Variants in PDS5A observed in about 807,000 individuals in gnomAD.
The protein encoded by PDS5A is sister chromatid cohesion protein PDS5 homolog A.
PDS5A carries 42 observed loss-of-function variants against 167.1 expected under a neutral mutation model. That is an observed-to-expected ratio of 0.25 (90% confidence interval 0.20 to 0.33). The LOEUF is 0.33. PDS5A is among the 10% of genes least tolerant of loss of function. The pLI is 1.00. For synonymous variants in PDS5A, 553 were observed against 554.6 expected, an observed-to-expected ratio of 1.00 and a Z score of 0.04; for missense variants, 1,033 against 1,605.9, an observed-to-expected ratio of 0.64 and a Z score of 6.10.
At chr4:39,834,155 A>C (rs1373144063) in intron 32 of PDS5A, among the ~76,000 whole-genome samples, 1 of 150,420 alleles carries the variant, frequency 6.6e-6, no homozygotes, top group Non-Finnish European at 1.5e-5. Context: ...ATTGCACTCT[A>C]GCCTGGGCAA....
chr4:39,930,214 T>TAA, intron 2 of PDS5A, among the ~76,000 whole-genome samples: 1 of 12,838 alleles, frequency 7.8e-5, no homozygotes, highest in Non-Finnish European at 1.7e-4. Context: ...AGACTCCATC[T>TAA]CAAAAAAAAA....
At chr4:39,895,494 T>C (rs1043923854) in intron 16 of PDS5A, among the ~76,000 whole-genome samples, 2 of 152,136 alleles carry the variant, frequency 1.3e-5, no homozygotes, top group Admixed American at 6.5e-5. Context: ...ATAGAGCACT[T>C]ACCATAAATG....
Position 39,832,693 on chromosome 4 carries a change from A to T in PDS5A, c.4010+5163T>A, listed in dbSNP as rs568712221. On this transcript the variant is annotated intron_variant, in intron 32 of 32. Transcript: ENST00000303538. ...TGGGCAATACAGCAAGACCCAAAAA[A>T]TTTAAAAAGAAATTAGCCAGCCATG... Among the ~76,000 whole-genome samples the T allele has an allele frequency of 5.0e-4, 76 of 152,226 alleles. 3 individuals are homozygous for T. In the East Asian group the frequency reaches 7.1e-3, roughly 14 times the overall value.
intron 4 of PDS5A, among the ~76,000 whole-genome samples, chr4:39,926,367 A>C (rs1030041514): frequency 2.6e-5 from 4 of 152,036 alleles, no homozygotes; most frequent in African/African-American, 9.7e-5. Context: ...AAAAATACAA[A>C]ATTAGCCGTG....
intron 2 of PDS5A, among the ~76,000 whole-genome samples, chr4:39,956,161 G>A (rs533195260): frequency 4.6e-5 from 7 of 151,544 alleles, no homozygotes; most frequent in Admixed American, 4.0e-4. Context: ...TAAGAAAAAC[G>A]TATAGAACAA....
intron 2 of PDS5A, among the ~76,000 whole-genome samples, chr4:39,942,340 T>C (rs1727299977): frequency 6.6e-6 from 1 of 152,180 alleles, no homozygotes; most frequent in South Asian, 2.1e-4. Flanking sequence ...AGTTCGACAC[T>C]TTTTTAAATA....
In PDS5A at chr4:39,862,857, T is replaced by G; in HGVS notation, c.2971+12A>C. 1 of 1,548,206 alleles carries G rather than the reference T, an allele frequency of 6.5e-7. No individual in the cohort carries two copies. The highest frequency in any genetic ancestry group is 8.9e-7 in the Non-Finnish European group (1 of 1,127,870). ...AAATATATTTGCACACGGAGAACTC[T>G]GAGTTACTTACCAGTAGCCATAGGA... is the stretch of plus-strand genomic sequence containing the variant. On this transcript the variant is annotated intron_variant, in intron 25 of 32. Transcript: ENST00000303538.
chr4:39,912,047 C>T (rs1723942113), intron 9 of PDS5A, among the ~76,000 whole-genome samples: 1 of 152,006 alleles, frequency 6.6e-6, no homozygotes, highest in Non-Finnish European at 1.5e-5. Flanking sequence ...CTATGGCCTC[C>T]CACTTTCTTA....
intron 32 of PDS5A, among the ~76,000 whole-genome samples, chr4:39,835,324 C>G (rs1395961341): frequency 6.6e-6 from 1 of 152,166 alleles, no homozygotes; most frequent in Non-Finnish European, 1.5e-5. Context: ...TAACACACTG[C>G]CCATTGATCT....
chr4:39,974,735 G>A (rs1730913543), intron 2 of PDS5A, among the ~76,000 whole-genome samples: 1 of 152,004 alleles, frequency 6.6e-6, no homozygotes, highest in African/African-American at 2.4e-5. Flanking sequence ...TAGAACTCCA[G>A]ACCTCGGGTG....
At chr4:39,860,469 AAAAAAAAGG>A (rs372763645) in intron 26 of PDS5A, among the ~76,000 whole-genome samples, 19 of 152,218 alleles carry the variant, frequency 1.2e-4, no homozygotes, top group South Asian at 4.1e-4. Flanking sequence ...TTGTCTCAAA[AAAAAAAAGG>A]AAAAAAAGGA....
chr4:39,902,846 T>A (rs143457274), intron 12 of PDS5A, among the ~76,000 whole-genome samples: 178 of 152,212 alleles, frequency 1.2e-3, no homozygotes, highest in African/African-American at 4.2e-3. Context: ...GTTTTAACCA[T>A]CTTATGCCAG....
At chr4:39,938,647 T>C (rs921818706) in intron 2 of PDS5A, among the ~76,000 whole-genome samples, 4 of 151,918 alleles carry the variant, frequency 2.6e-5, no homozygotes, top group Admixed American at 2.6e-4. Flanking sequence ...AAAATGTCAA[T>C]AGAAGACTGA....
chr4:39,832,486 C>T (rs999303795), intron 32 of PDS5A, among the ~76,000 whole-genome samples: 6 of 151,996 alleles, frequency 3.9e-5, no homozygotes, highest in Non-Finnish European at 5.9e-5. Flanking sequence ...AGATTATAGG[C>T]ATGAGCCACC....
chr4:39,920,896 T>A (rs962694589), intron 6 of PDS5A, among the ~76,000 whole-genome samples: 3 of 152,208 alleles, frequency 2.0e-5, no homozygotes, highest in African/African-American at 4.8e-5. Context: ...CTTAATACTA[T>A]GCTCCCGTTT....
At chr4:39,829,726 C>T (rs185845896) in intron 32 of PDS5A, among the ~76,000 whole-genome samples, 3,564 of 150,984 alleles carry the variant, frequency 0.024, 64 homozygotes, top group Middle Eastern at 0.07. Flanking sequence ...CCGAGGCGGG[C>T]GGATCACAAG....
At chr4:39,964,081 A>G (rs1444971163) in intron 2 of PDS5A, among the ~76,000 whole-genome samples, 2 of 152,158 alleles carry the variant, frequency 1.3e-5, no homozygotes, top group African/African-American at 4.8e-5. Context: ...AATTTAACTA[A>G]CTAACAAACA....
intron 2 of PDS5A, among the ~76,000 whole-genome samples, chr4:39,963,916 T>C (rs1044250727): frequency 6.6e-6 from 1 of 151,940 alleles, no homozygotes; most frequent in African/African-American, 2.4e-5. Flanking sequence ...ATTAGCTTTT[T>C]TTTCCCCCCC....
At chr4:39,972,716 A>C (rs1730671652) in intron 2 of PDS5A, among the ~76,000 whole-genome samples, 1 of 151,820 alleles carries the variant, frequency 6.6e-6, no homozygotes. Context: ...TTATTAAAAA[A>C]AGAATTTTAT....
Sources: gnomAD v4.1 joint callset for allele counts (sites outside exome capture counted in the v4.1 genomes callset) on GRCh38, gnomAD v4.1.1 for gene constraint, MANE v1.5 for transcripts, NCBI Gene and HGNC (gene_info 2026-07-23, HGNC 2026-07-21) for gene names.